The following RAD51B variants were observed in gnomAD, a reference collection of about 807,000 sequenced individuals.
RAD51B encodes the protein RAD51 paralog B, also known as DNA repair protein RAD51 homolog 2.
In RAD51B, 38 loss-of-function variants were observed where a neutral mutation model predicts 42.2. The ratio of observed to expected loss-of-function variants is 0.90; its 90% CI spans 0.70 to 1.18. The LOEUF (loss-of-function observed/expected upper bound fraction) is 1.18. Among genes scored for constraint, RAD51B ranks in the 50% most tolerant of loss-of-function variants. RAD51B has a pLI of 0.00. For synonymous variants in RAD51B, 154 were observed against 145.2 expected (o/e 1.06, Z -0.43); for missense variants, 373 against 400.7 (o/e 0.93, Z 0.59).
rs1382170642 is a variant in RAD51B, at chr14:68,334,954, G to C, written c.853+42974G>C. On this transcript the variant is annotated intron_variant, in intron 8 of 10. Transcript: ENST00000471583. ...ACACACATATATAAGTATTATATAT[G>C]TTTTATATATATATATATAAAAAAA... Among the ~76,000 whole-genome samples the C allele has an allele frequency of 7.7e-5, 6 of 77,470 alleles. No homozygotes were observed. In the East Asian group the frequency reaches 1.5e-3, roughly 19 times the overall value. The allele number at this position is 77,470 out of a possible 152,430, so 50.8% of individuals were successfully genotyped here.
chr14:67,956,415 A>G (rs2074547635), intron 7 of RAD51B, among the ~76,000 whole-genome samples: 1 of 152,142 alleles, frequency 6.6e-6, no homozygotes, highest in East Asian at 1.9e-4. Flanking sequence ...TGAACCTGGG[A>G]GGTAGAGATT....
intron 10 of RAD51B, among the ~76,000 whole-genome samples, chr14:68,546,665 C>T (rs562642378): frequency 6.6e-6 from 1 of 152,006 alleles, no homozygotes; most frequent in Non-Finnish European, 1.5e-5. Context: ...AAAATAGAAG[C>T]CCCAAAACTG....
chr14:68,284,250 C>CT (rs1475854601), intron 7 of RAD51B, among the ~76,000 whole-genome samples: 2 of 152,216 alleles, frequency 1.3e-5, no homozygotes, highest in Non-Finnish European at 2.9e-5. Context: ...CCTTCATCCC[C>CT]TTTTCCTTGG....
At chr14:68,301,601 T>C (rs372240611) in intron 8 of RAD51B, among the ~76,000 whole-genome samples, 1 of 148,008 alleles carries the variant, frequency 6.8e-6, no homozygotes, top group Non-Finnish European at 1.5e-5. Flanking sequence ...TGTTTTTTTT[T>C]TTTTTTTTTT....
intron 7 of RAD51B, among the ~76,000 whole-genome samples, chr14:68,022,640 CTCTT>C (rs1393417298): frequency 6.6e-6 from 1 of 151,662 alleles, no homozygotes; most frequent in Non-Finnish European, 1.5e-5. Flanking sequence ...CTGCTTGTCT[CTCTT>C]TTTTTTTTCT....
At chr14:68,283,934 C>G (rs1453907059) in intron 7 of RAD51B, among the ~76,000 whole-genome samples, 3 of 152,220 alleles carry the variant, frequency 2.0e-5, no homozygotes, top group Non-Finnish European at 2.9e-5. Flanking sequence ...ATGCATTTTT[C>G]TGAACTCAGT....
chr14:68,511,661 C>G (rs1885736251), intron 10 of RAD51B, among the ~76,000 whole-genome samples: 1 of 152,190 alleles, frequency 6.6e-6, no homozygotes, highest in Non-Finnish European at 1.5e-5. Flanking sequence ...AACTAGTCTA[C>G]AATAAAGAAG....
chr14:67,971,028 A>G (rs10132711), intron 7 of RAD51B, among the ~76,000 whole-genome samples: 1 of 152,008 alleles, frequency 6.6e-6, no homozygotes, highest in Non-Finnish European at 1.5e-5. Context: ...GCTATTAAAG[A>G]TTATAATTTT....
chr14:68,121,298 C>CAG (rs144600365), intron 7 of RAD51B, among the ~76,000 whole-genome samples: 1 of 152,270 alleles, frequency 6.6e-6, no homozygotes, highest in African/African-American at 2.4e-5. Context: ...ACCTGAAAGC[C>CAG]AGAGCATTTA....
At chr14:68,351,531 C>G (rs2082788772) in intron 8 of RAD51B, among the ~76,000 whole-genome samples, 2 of 152,182 alleles carry the variant, frequency 1.3e-5, no homozygotes, top group Non-Finnish European at 1.5e-5. Context: ...AATTACAGCC[C>G]TGACCCTTAC....
chr14:68,094,845 A>G (rs1415505391), intron 7 of RAD51B, among the ~76,000 whole-genome samples: 1 of 152,246 alleles, frequency 6.6e-6, no homozygotes, highest in Non-Finnish European at 1.5e-5. Context: ...TAAGATGCCT[A>G]TAAGGAAGAA....
At position 67,952,350 on chromosome 14, in the gene RAD51B, G is replaced by C. The variant is rs143304394; in HGVS notation, c.756+65146G>C. Reference sequence around the variant, plus strand: ...TTAAGCAGTAATAAAATCTATGTGTGGAAGAGTAAATGAAGCGTTTCTGCA... The same window carrying C: ...TTAAGCAGTAATAAAATCTATGTGTCGAAGAGTAAATGAAGCGTTTCTGCA... On this transcript the variant is annotated intron_variant, in intron 7 of 10. Coordinates refer to ENST00000471583, the MANE Select transcript of RAD51B (RefSeq NM_133510.4). Among the ~76,000 whole-genome samples, 145 of 152,272 alleles carry C rather than the reference G, an allele frequency of 9.5e-4. 1 individual carries two copies. The highest frequency in any genetic ancestry group is 3.2e-3 in the African/African-American group (134 of 41,572).
chr14:68,106,414 G>GT (rs199757281), intron 7 of RAD51B, among the ~76,000 whole-genome samples: 2 of 151,816 alleles, frequency 1.3e-5, no homozygotes, highest in African/African-American at 4.8e-5. Flanking sequence ...GATGTGGTAG[G>GT]TTTTTTTATT....
At chr14:68,315,786 T>A (rs1329862387) in intron 8 of RAD51B, among the ~76,000 whole-genome samples, 2 of 152,350 alleles carry the variant, frequency 1.3e-5, no homozygotes, top group East Asian at 3.9e-4. Flanking sequence ...CCTCCCAAAG[T>A]GCTGGGATTA....
At chr14:68,619,474 A>G (rs1023497819) in intron 10 of RAD51B, among the ~76,000 whole-genome samples, 6 of 145,398 alleles carry the variant, frequency 4.1e-5, no homozygotes, top group Middle Eastern at 3.5e-3. Context: ...AAAAAAAAAG[A>G]AAAAAAAAAG....
Position 68,044,368 on chromosome 14 carries a change from G to C in RAD51B, c.756+157164G>C, listed in dbSNP as rs1395897919. Reference sequence around the variant, plus strand: ...AAATAGTGGGGTGAATAAGTTATAAGAGTATCACTGGGCCAGTGTTGATGA... The same window carrying C: ...AAATAGTGGGGTGAATAAGTTATAACAGTATCACTGGGCCAGTGTTGATGA... On this transcript the variant is annotated intron_variant, in intron 7 of 10. Transcript: ENST00000471583. Among the ~76,000 whole-genome samples, 5 of 152,132 alleles carry C rather than the reference G, an allele frequency of 3.3e-5. No individual in the cohort carries two copies. In the East Asian group the frequency reaches 7.7e-4, roughly 23 times the overall value.
chr14:68,198,613 C>G (rs1192832596), intron 7 of RAD51B, among the ~76,000 whole-genome samples: 3 of 152,132 alleles, frequency 2.0e-5, no homozygotes, highest in Non-Finnish European at 4.4e-5. Flanking sequence ...TAATTTCACT[C>G]AGAAATATCT....
chr14:68,241,143 A>G (rs2080375055), intron 7 of RAD51B, among the ~76,000 whole-genome samples: 1 of 152,140 alleles, frequency 6.6e-6, no homozygotes, highest in African/African-American at 2.4e-5. Flanking sequence ...ATTCTTTCCT[A>G]TTGGAAGCTG....
At chr14:67,971,975 C>CACA (rs1183525593) in intron 7 of RAD51B, among the ~76,000 whole-genome samples, 31 of 151,096 alleles carry the variant, frequency 2.1e-4, no homozygotes, top group African/African-American at 7.5e-4. Flanking sequence ...ATTTTTCTAC[C>CACA]TTTAACACAT....
Sources: gnomAD v4.1 joint callset for allele counts (sites outside exome capture counted in the v4.1 genomes callset) on GRCh38, gnomAD v4.1.1 for gene constraint, MANE v1.5 for transcripts, NCBI Gene and HGNC (gene_info 2026-07-23, HGNC 2026-07-21) for gene names.